PARD3B: variants seen among roughly 807,000 people sequenced by gnomAD.
PARD3B encodes partitioning defective 3 homolog B.
PARD3B carries 103 observed loss-of-function variants against 130.2 expected under a neutral mutation model. The ratio of observed to expected loss-of-function variants is 0.79; its 90% CI spans 0.67 to 0.93. The LOEUF is 0.93. Ranked by LOEUF, PARD3B falls within the 40% of genes least tolerant of loss-of-function variation. The pLI, the probability that PARD3B is intolerant of heterozygous loss-of-function variation, is 0.00. For synonymous variants in PARD3B, 583 were observed against 553.2 expected, an observed-to-expected ratio of 1.05 and a Z score of -0.76; for missense variants, 1,609 against 1,499.2, an observed-to-expected ratio of 1.07 and a Z score of -1.21.
chr2:204,987,393 G>A (rs1023966144), intron 3 of PARD3B, among the ~76,000 whole-genome samples: 25 of 152,148 alleles, frequency 1.6e-4, no homozygotes, highest in African/African-American at 6.0e-4. Flanking sequence ...TAAAATATGT[G>A]CTTTCATGAA....
intron 1 of PARD3B, among the ~76,000 whole-genome samples, chr2:204,633,014 C>T (rs964923021): frequency 6.6e-6 from 1 of 152,108 alleles, no homozygotes; most frequent in African/African-American, 2.4e-5. Context: ...TGTACTTTGG[C>T]TATTGTGAAT....
rs7574812 is a variant in PARD3B, at chr2:204,884,892, A to T, written c.223-80260A>T. ...TATCCAGTCTATTGATGAGCATTTG[A>T]GTTGATTCCATGTCTTTGCTATTTT... On this transcript the variant is annotated intron_variant, in intron 2 of 22. Transcript: ENST00000406610. 8.2e-3 allele frequency among the ~76,000 whole-genome samples: 1,244 copies of T among 152,220 alleles called. 10 individuals carry two copies. The highest frequency in any genetic ancestry group is 0.028 in the African/African-American group (1,147 of 41,510).
intron 2 of PARD3B, among the ~76,000 whole-genome samples, chr2:204,771,747 A>G (rs2041396050): frequency 6.6e-6 from 1 of 152,090 alleles, no homozygotes. Context: ...ACATCCATTC[A>G]TACCTATGGA....
chr2:205,080,573 T>G (rs548311601), intron 4 of PARD3B, among the ~76,000 whole-genome samples: 2 of 152,292 alleles, frequency 1.3e-5, no homozygotes, highest in South Asian at 4.1e-4. Context: ...TATTCTACTC[T>G]TGATGAATAT....
At chr2:204,734,801 T>C (rs1405510428) in intron 2 of PARD3B, among the ~76,000 whole-genome samples, 2 of 152,102 alleles carry the variant, frequency 1.3e-5, no homozygotes, top group African/African-American at 4.8e-5. Context: ...GAAGTGTTTC[T>C]GTATCTTCAT....
intron 20 of PARD3B, among the ~76,000 whole-genome samples, chr2:205,489,511 G>GTATATATATATA (rs1319387567): frequency 5.0e-5 from 6 of 119,026 alleles, no homozygotes; most frequent in Non-Finnish European, 1.0e-4. Flanking sequence ...ATATATATAC[G>GTATATATATATA]TATATATATA....
At chr2:204,595,416 A>T (rs1430561437) in intron 1 of PARD3B, among the ~76,000 whole-genome samples, 2 of 152,206 alleles carry the variant, frequency 1.3e-5, no homozygotes, top group Non-Finnish European at 2.9e-5. Context: ...AGTGTGTCCC[A>T]GGCAGTGGTT....
chr2:205,217,844 ATGTGTGTGTGTG>A (rs747500423), intron 15 of PARD3B, among the ~76,000 whole-genome samples: 33 of 88,718 alleles, frequency 3.7e-4, no homozygotes, highest in African/African-American at 1.6e-3. Context: ...ATGTGTGTAT[ATGTGTGTGTGTG>A]TGTGTGTGTG....
intron 2 of PARD3B, among the ~76,000 whole-genome samples, chr2:204,883,735 C>T (rs1046019402): frequency 9.2e-5 from 14 of 151,580 alleles, no homozygotes; most frequent in Non-Finnish European, 1.9e-4. Flanking sequence ...TGAGCCACCG[C>T]ACCTGGCCTA....
chr2:204,627,118 G>C (rs900610843), intron 1 of PARD3B, among the ~76,000 whole-genome samples: 1 of 152,066 alleles, frequency 6.6e-6, no homozygotes, highest in African/African-American at 2.4e-5. Context: ...TGTGAAAAAG[G>C]CATTTGGTGC....
Position 205,258,089 on chromosome 2 carries a change from A to G in PARD3B, c.2185+12267A>G, listed in dbSNP as rs1165828717. Among the ~76,000 whole-genome samples, 1 of 152,180 alleles carries G rather than the reference A, an allele frequency of 6.6e-6. No homozygotes were observed. The highest frequency in any genetic ancestry group is 2.4e-5 in the African/African-American group (1 of 41,434). ...ATATAGTCCCCCAGCAGGCCATTTC[A>G]TTGGAGAGAGAAACATAACAGATGC... is the stretch of plus-strand genomic sequence containing the variant. On this transcript the variant is annotated intron_variant, in intron 16 of 22. Coordinates refer to ENST00000406610, the MANE Select transcript of PARD3B (RefSeq NM_001302769.2). This position sits in a 1 kb window ranked among gnomAD's most constrained non-coding sequence, Gnocchi z 4.9.
chr2:205,600,005 G>C (rs1331843540), intron 22 of PARD3B, among the ~76,000 whole-genome samples: 1 of 152,170 alleles, frequency 6.6e-6, no homozygotes, highest in African/African-American at 2.4e-5. Flanking sequence ...ATAGAATTCA[G>C]CTGTCCTTCA....
At chr2:204,867,644 AC>A (rs1488204741) in intron 2 of PARD3B, among the ~76,000 whole-genome samples, 4 of 152,058 alleles carry the variant, frequency 2.6e-5, no homozygotes, top group Non-Finnish European at 4.4e-5. Flanking sequence ...ACCCCTATTG[AC>A]TTTTTAATTT....
chr2:205,482,428 AG>A (rs929576336), intron 20 of PARD3B, among the ~76,000 whole-genome samples: 4 of 152,164 alleles, frequency 2.6e-5, no homozygotes, highest in African/African-American at 7.2e-5. Flanking sequence ...AGATGGCAAA[AG>A]GAGACGGCAG....
At chr2:205,467,341 T>G (rs1429186284) in intron 20 of PARD3B, among the ~76,000 whole-genome samples, 1 of 152,178 alleles carries the variant, frequency 6.6e-6, no homozygotes, top group Non-Finnish European at 1.5e-5. Flanking sequence ...TGGGACTTTC[T>G]TCTCCATGTA....
intron 11 of PARD3B, among the ~76,000 whole-genome samples, chr2:205,170,959 T>A (rs1174257516): frequency 6.6e-6 from 1 of 152,086 alleles, no homozygotes; most frequent in African/African-American, 2.4e-5. Flanking sequence ...AACTAAAGAG[T>A]CAAGATTCAT....
At chr2:204,704,282 T>A (rs1289559999) in intron 2 of PARD3B, among the ~76,000 whole-genome samples, 1 of 152,180 alleles carries the variant, frequency 6.6e-6, no homozygotes, top group Non-Finnish European at 1.5e-5. Context: ...ATGCTTGGAA[T>A]CTTTAAAGGT....
intron 2 of PARD3B, among the ~76,000 whole-genome samples, chr2:204,899,767 A>G (rs2046791125): frequency 1.3e-5 from 2 of 151,454 alleles, no homozygotes; most frequent in South Asian, 4.2e-4. Context: ...AGCTTGAAGA[A>G]CTCCCTTTAG....
chr2:205,059,783 G>A (rs1446522566), intron 4 of PARD3B, among the ~76,000 whole-genome samples: 1 of 152,024 alleles, frequency 6.6e-6, no homozygotes, highest in East Asian at 1.9e-4. Context: ...TTTAATTTCA[G>A]CTTTAATAGC....
Sources: gnomAD v4.1 joint callset for allele counts (sites outside exome capture counted in the v4.1 genomes callset) on GRCh38, gnomAD v4.1.1 for gene constraint, Gnocchi (gnomAD v3.1) non-coding constraint, MANE v1.5 for transcripts, NCBI Gene and HGNC (gene_info 2026-07-23, HGNC 2026-07-21) for gene names.